ATE1: variants seen among roughly 807,000 people sequenced by gnomAD.
The protein encoded by ATE1 is arginyltransferase 1, also known as arginyl-tRNA--protein transferase 1.
Under a neutral mutation model 70.5 loss-of-function variants are expected in ATE1, and 36 were observed. The ratio of observed to expected loss-of-function variants is 0.51; its 90% CI spans 0.39 to 0.67. The LOEUF is 0.67. Among genes scored for constraint, ATE1 ranks in the 30% least tolerant of loss-of-function variants. The pLI is 0.00. For synonymous variants in ATE1, 232 were observed against 219.3 expected (o/e 1.06, Z -0.51); for missense variants, 593 against 629.5 (o/e 0.94, Z 0.62).
At chr10:121,819,977 C>T (rs1268730433) in intron 10 of ATE1, among the ~76,000 whole-genome samples, 3 of 151,608 alleles carry the variant, frequency 2.0e-5, no homozygotes, top group Admixed American at 1.3e-4. Context: ...GAAACGCTGC[C>T]GCTACTAAAA....
At chr10:121,874,622 A>T (rs1256081182) in intron 7 of ATE1, among the ~76,000 whole-genome samples, 1 of 152,178 alleles carries the variant, frequency 6.6e-6, no homozygotes, top group Non-Finnish European at 1.5e-5. Flanking sequence ...CTCTATCCCA[A>T]TTGCAAGCAA....
At chr10:121,892,066 T>C (rs1166181683) in intron 7 of ATE1, among the ~76,000 whole-genome samples, 1 of 152,186 alleles carries the variant, frequency 6.6e-6, no homozygotes, top group African/African-American at 2.4e-5. Context: ...ACATTTGAAC[T>C]CCACACCAAA....
rs139726149 is a variant in ATE1 at position 121,795,143 on chromosome 10, G to A, written c.1258-4854C>T. On this transcript the variant is annotated intron_variant, in intron 10 of 11. Coordinates refer to ENST00000224652, the MANE Select transcript of ATE1 (RefSeq NM_001001976.3). ...CGTGCCTATAATCCCAGCTCCTCTGGAGGCTGAGGCACAACAATCGCTTGA... is the reference window on the plus strand; with the variant it reads ...CGTGCCTATAATCCCAGCTCCTCTGAAGGCTGAGGCACAACAATCGCTTGA... Among the ~76,000 whole-genome samples the A allele has an allele frequency of 4.5e-4, 68 of 152,244 alleles. 3 individuals carry two copies. The East Asian group carries it at 8.5e-3, about 19-fold the overall frequency.
intron 1 of ATE1, among the ~76,000 whole-genome samples, chr10:121,926,231 G>T (rs931354375): frequency 6.6e-6 from 1 of 151,270 alleles, no homozygotes; most frequent in African/African-American, 2.5e-5. Flanking sequence ...ATAAATAAAT[G>T]GATTTTTCCC....
intron 8 of ATE1, among the ~76,000 whole-genome samples, chr10:121,868,860 T>C (rs1032505026): frequency 6.6e-6 from 1 of 152,210 alleles, no homozygotes; most frequent in Non-Finnish European, 1.5e-5. Flanking sequence ...ACGTTTTCAA[T>C]GCGCCAGTGT....
At chr10:121,902,254 G>A in intron 6 of ATE1, 137 bp downstream of exon 6, 1 of 817,506 alleles carries the variant, frequency 1.2e-6, no homozygotes, top group Non-Finnish European at 1.9e-6. Flanking sequence ...CTTCTTCCCA[G>A]TTCTCTTTAA....
intron 5 of ATE1, among the ~76,000 whole-genome samples, chr10:121,909,155 A>G (rs1393926506): frequency 2.6e-5 from 4 of 152,150 alleles, no homozygotes; most frequent in African/African-American, 9.7e-5. Flanking sequence ...CACCTGGCTA[A>G]TATTTTGTAT....
At position 121,793,794 on chromosome 10, in the gene ATE1, A is replaced by T. The variant is rs565751313; in HGVS notation, c.1258-3505T>A. On this transcript the variant is annotated intron_variant, in intron 10 of 11. Transcript: ENST00000224652. ...TATATCTTCTGACTTTCTATGCCAT[A>T]CTCTTACGCCATATGAAAATCTGAT... Among the ~76,000 whole-genome samples, 3 of 152,178 alleles carry T rather than the reference A, an allele frequency of 2.0e-5. No individual in the cohort carries two copies. The East Asian group carries it at 5.8e-4, about 29-fold the overall frequency.
chr10:121,902,038 T>C (rs1004318557), intron 6 of ATE1, among the ~76,000 whole-genome samples: 1 of 152,196 alleles, frequency 6.6e-6, no homozygotes, highest in Non-Finnish European at 1.5e-5. Context: ...TAATCTATTG[T>C]CTTTCACTAT....
chr10:121,847,756 C>CAAA (rs34868723), intron 8 of ATE1, among the ~76,000 whole-genome samples: 20 of 60,820 alleles, frequency 3.3e-4, no homozygotes, highest in East Asian at 1.9e-3. Context: ...GACTCTGTCT[C>CAAA]AAAAAAAAAA....
At chr10:121,875,118 G>A (rs12254893) in intron 7 of ATE1, among the ~76,000 whole-genome samples, 22,758 of 132,136 alleles carry the variant, frequency 0.17, 1,912 homozygotes, top group Middle Eastern at 0.21. Context: ...CAGCCTGGGC[G>A]ACAGACTGAG....
At chr10:121,834,638 A>G (rs1948365850) in intron 10 of ATE1, among the ~76,000 whole-genome samples, 1 of 152,156 alleles carries the variant, frequency 6.6e-6, no homozygotes, top group Non-Finnish European at 1.5e-5. Context: ...GAGTCAACAA[A>G]GGTGTCAGCA....
intron 10 of ATE1, among the ~76,000 whole-genome samples, chr10:121,812,537 C>G (rs181855797): frequency 4.8e-4 from 73 of 152,142 alleles, no homozygotes; most frequent in African/African-American, 1.7e-3. Context: ...CTTCCTCCCT[C>G]GAAATTCACA....
At chr10:121,791,038 G>T (rs1032655124) in intron 10 of ATE1, among the ~76,000 whole-genome samples, 1 of 147,630 alleles carries the variant, frequency 6.8e-6, no homozygotes, top group South Asian at 2.1e-4. Context: ...ATGTATATAT[G>T]TGTATATATA....
In ATE1 at chr10:121,861,619, G is replaced by A. The variant is rs373861094; in HGVS notation, c.975+8387C>T. On this transcript the variant is annotated intron_variant, in intron 8 of 11. Transcript: ENST00000224652. The stretch of plus-strand genomic sequence containing the variant: ...GGGTGGCGGGAGGGGGGAGGGGGGA[G>A]GGATAGCATTGGGAGATATACCTAA... Among the ~76,000 whole-genome samples, 822 of 117,502 alleles carry A rather than the reference G, an allele frequency of 7.0e-3. 11 individuals are homozygous for A. The highest frequency in any genetic ancestry group is 0.024 in the African/African-American group (768 of 31,522). The allele number at this position is 117,502 out of a possible 152,430, so 77.1% of individuals were successfully genotyped here.
intron 7 of ATE1, among the ~76,000 whole-genome samples, chr10:121,892,493 A>G (rs1590647520): frequency 7.1e-6 from 1 of 141,702 alleles, no homozygotes. Context: ...ACAAACGGTG[A>G]CAAAACTTTT....
At chr10:121,917,509 C>T (rs1951707966) in intron 3 of ATE1, among the ~76,000 whole-genome samples, 1 of 152,052 alleles carries the variant, frequency 6.6e-6, no homozygotes, top group Non-Finnish European at 1.5e-5. Context: ...CCCAAAATCA[C>T]ACTTCTGAAT....
Position 121,841,173 on chromosome 10 carries a change from T to TC in ATE1, c.1065dup (p.Ile356AspfsTer2). 3 of 1,602,942 alleles carry TC rather than the reference T, an allele frequency of 1.9e-6. No homozygotes were observed. Among genetic ancestry groups the TC allele is most frequent in the Non-Finnish European group, 1.7e-6 (2 of 1,172,886 alleles). On this transcript the variant is annotated frameshift_variant, in exon 9 of 12. Transcript: ENST00000224652. LOFTEE classifies it high-confidence loss of function. ...GATACACAGTTTGGGAGGATGTCAATCACCCCCACAGCAATGATCTTTCCG... is the reference window on the plus strand; with the variant it reads ...GATACACAGTTTGGGAGGATGTCAATCCACCCCCACAGCAATGATCTTTCCG...
intron 10 of ATE1, among the ~76,000 whole-genome samples, chr10:121,798,901 GAAAA>G (rs66790507): frequency 4.7e-5 from 5 of 105,644 alleles, no homozygotes; most frequent in African/African-American, 8.7e-5. Context: ...TCTGTCTCAA[GAAAA>G]AAAAAAAAAA....
Sources: allele counts gnomAD v4.1 joint callset (sites outside exome capture counted in the v4.1 genomes callset), GRCh38; gene constraint gnomAD v4.1.1; transcripts MANE v1.5; gene names NCBI Gene and HGNC (gene_info 2026-07-23, HGNC 2026-07-21).